The following ANO3 variants were observed in gnomAD, a reference collection of about 807,000 sequenced individuals.
ANO3 encodes the protein anoctamin-3.
ANO3 carries 99 observed loss-of-function variants against 144.8 expected under a neutral mutation model. That is an observed-to-expected ratio of 0.68 (90% CI 0.58 to 0.81). The LOEUF is 0.81. ANO3 is among the 30% of genes least tolerant of loss of function. ANO3 has a pLI of 0.00. For missense variants in ANO3, 905 were observed against 1,202.2 expected (o/e 0.75, Z 3.66); for synonymous variants, 414 against 392.6 (o/e 1.05, Z -0.64).
chr11:26,391,996 C>T (rs1432064623), intron 1 of ANO3, among the ~76,000 whole-genome samples: 1 of 151,836 alleles, frequency 6.6e-6, no homozygotes, highest in Non-Finnish European at 1.5e-5. Flanking sequence ...AAAACAACAG[C>T]TCTCCATTTT....
intron 1 of ANO3, among the ~76,000 whole-genome samples, chr11:26,189,996 A>G (rs1182093309): frequency 1.3e-5 from 2 of 152,178 alleles, no homozygotes; most frequent in Non-Finnish European, 2.9e-5. Flanking sequence ...TTTATAATGA[A>G]TAGCTCTTAT....
intron 1 of ANO3, among the ~76,000 whole-genome samples, chr11:26,333,562 G>C (rs1433035698): frequency 6.6e-6 from 1 of 152,134 alleles, no homozygotes; most frequent in African/African-American, 2.4e-5. Flanking sequence ...GATTACAGGT[G>C]TGAGCCACTG....
At chr11:26,641,330 A>C (rs1590666699) in intron 21 of ANO3, among the ~76,000 whole-genome samples, 1 of 152,332 alleles carries the variant, frequency 6.6e-6, no homozygotes, top group South Asian at 2.1e-4. Flanking sequence ...CTTGCTAAAA[A>C]TCACACGGCT....
At chr11:26,417,768 TCTGA>T (rs1857633613) in intron 1 of ANO3, among the ~76,000 whole-genome samples, 1 of 152,036 alleles carries the variant, frequency 6.6e-6, no homozygotes, top group Non-Finnish European at 1.5e-5. Flanking sequence ...AAACTCAAGT[TCTGA>T]CTTTCTCTAA....
intron 9 of ANO3, among the ~76,000 whole-genome samples, 199 bp from the exon 10 acceptor site, chr11:26,537,207 A>G (rs993880094): frequency 1.3e-5 from 2 of 152,132 alleles, no homozygotes; most frequent in Non-Finnish European, 2.9e-5. Flanking sequence ...TCATTTGCTA[A>G]TATCATAAGG....
intron 1 of ANO3, among the ~76,000 whole-genome samples, chr11:26,262,797 G>T (rs1432587879): frequency 6.6e-6 from 1 of 151,796 alleles, no homozygotes; most frequent in Non-Finnish European, 1.5e-5. Context: ...ATGAGAAGAT[G>T]GCTGCCTGCA....
intron 1 of ANO3, among the ~76,000 whole-genome samples, chr11:26,221,901 C>A (rs12799694): frequency 0.3 from 46,049 of 152,074 alleles, 7,717 homozygotes; most frequent in Non-Finnish European, 0.37. Flanking sequence ...CCACAAGGCC[C>A]GCCTCCAACA....
chr11:26,342,947 C>T (rs1276536844), intron 1 of ANO3, among the ~76,000 whole-genome samples: 1 of 152,080 alleles, frequency 6.6e-6, no homozygotes, highest in Non-Finnish European at 1.5e-5. Context: ...TTACCACAAT[C>T]AAGCAATTAA....
At chr11:26,196,150 G>C (rs1204016284) in intron 1 of ANO3, among the ~76,000 whole-genome samples, 1 of 152,074 alleles carries the variant, frequency 6.6e-6, no homozygotes. Flanking sequence ...GTTAATTCCT[G>C]CAACTACATG....
intron 1 of ANO3, among the ~76,000 whole-genome samples, chr11:26,205,831 T>C (rs1403315219): frequency 6.6e-6 from 1 of 152,198 alleles, no homozygotes; most frequent in East Asian, 1.9e-4. Flanking sequence ...GTTTCATGAG[T>C]GTCCTCTAAT....
At chr11:26,274,639 T>C (rs1453987690) in intron 1 of ANO3, among the ~76,000 whole-genome samples, 1 of 152,106 alleles carries the variant, frequency 6.6e-6, no homozygotes, top group Non-Finnish European at 1.5e-5. Flanking sequence ...CATAAAGCAA[T>C]TAATTCATAA....
At chr11:26,299,716 G>A (rs1425565503) in intron 1 of ANO3, among the ~76,000 whole-genome samples, 2 of 152,056 alleles carry the variant, frequency 1.3e-5, no homozygotes, top group Admixed American at 6.6e-5. Context: ...GAGCATGTAT[G>A]GGAAATTATT....
chr11:26,285,034 C>A (rs1230000330), intron 1 of ANO3, among the ~76,000 whole-genome samples: 1 of 152,118 alleles, frequency 6.6e-6, no homozygotes, highest in African/African-American at 2.4e-5. Context: ...TTGTTAAAAC[C>A]GCCTTTACTT....
intron 1 of ANO3, among the ~76,000 whole-genome samples, chr11:26,399,488 A>G (rs920930873): frequency 4.6e-5 from 7 of 151,390 alleles, no homozygotes; most frequent in African/African-American, 1.5e-4. Context: ...TCCTCACTAC[A>G]TTCTATGTAC....
intron 4 of ANO3, among the ~76,000 whole-genome samples, chr11:26,479,361 TA>T (rs1285442962): frequency 1.3e-5 from 2 of 152,222 alleles, no homozygotes; most frequent in African/African-American, 4.8e-5. Flanking sequence ...GTGTCTGTAA[TA>T]GTCTGCTCTC....
At chr11:26,318,482 G>A (rs1362806719) in intron 1 of ANO3, among the ~76,000 whole-genome samples, 1 of 152,160 alleles carries the variant, frequency 6.6e-6, no homozygotes, top group Admixed American at 6.5e-5. Flanking sequence ...GTACAATTTG[G>A]TGATGCATCT....
At chr11:26,313,019 G>A (rs1854536469) in intron 1 of ANO3, among the ~76,000 whole-genome samples, 1 of 152,106 alleles carries the variant, frequency 6.6e-6, no homozygotes, top group African/African-American at 2.4e-5. Flanking sequence ...AATCTTTATT[G>A]TTTCAAATCA....
At chr11:26,351,686 A>G (rs536313531) in intron 1 of ANO3, among the ~76,000 whole-genome samples, 1 of 152,328 alleles carries the variant, frequency 6.6e-6, no homozygotes, top group Admixed American at 6.5e-5. Context: ...TTATTTAAAC[A>G]CAATTTGAAC....
intron 24 of ANO3, among the ~76,000 whole-genome samples, chr11:26,653,893 A>G (rs1187800894): frequency 2.0e-5 from 3 of 152,170 alleles, no homozygotes; most frequent in Non-Finnish European, 4.4e-5. Flanking sequence ...CTTTAAGAAC[A>G]TCCAATTTCT....
Sources: gnomAD v4.1 joint callset for allele counts (sites outside exome capture counted in the v4.1 genomes callset) on GRCh38, gnomAD v4.1.1 for gene constraint, MANE v1.5 for transcripts, NCBI Gene and HGNC (gene_info 2026-07-23, HGNC 2026-07-21) for gene names.